RBFOX1: variants seen among roughly 807,000 people sequenced by gnomAD.
RBFOX1 encodes the protein RNA binding fox-1 homolog 1.
Under a neutral mutation model 57.7 loss-of-function variants are expected in RBFOX1, and 8 were observed. The observed-to-expected ratio is 0.14, with a 90% confidence interval of 0.08 to 0.25. The LOEUF is 0.25. Among genes scored for constraint, RBFOX1 ranks in the 10% least tolerant of loss-of-function variants. The pLI is 1.00. For missense variants in RBFOX1, 611 were observed against 548.5 expected, an observed-to-expected ratio of 1.11 and a Z score of -1.14; for synonymous variants, 326 against 222.4, an observed-to-expected ratio of 1.47 and a Z score of -4.15.
rs958515205 is a variant in RBFOX1 at position 6,774,815 on chromosome 16, C to T, written c.-16+120165C>T. ...TACCTGAGCTTTCCAATATAGTAGC[C>T]ATGAGCCGTATGGGCCTACTGAGCA... On this transcript the variant is annotated intron_variant, in intron 3 of 15. Coordinates refer to ENST00000550418, the MANE Select transcript of RBFOX1 (RefSeq NM_018723.4). Among the ~76,000 whole-genome samples, 3 of 151,862 alleles carry T rather than the reference C, an allele frequency of 2.0e-5. No individual in the cohort carries two copies. In the South Asian group the frequency reaches 6.3e-4, roughly 32 times the overall value.
intron 3 of RBFOX1, among the ~76,000 whole-genome samples, chr16:6,931,226 G>A (rs557534418): frequency 9.9e-5 from 15 of 151,302 alleles, no homozygotes; most frequent in African/African-American, 2.9e-4. Context: ...TCTACTGATG[G>A]GAATTAAGGG....
chr16:6,583,620 A>G (rs2097567343), intron 2 of RBFOX1, among the ~76,000 whole-genome samples: 1 of 152,176 alleles, frequency 6.6e-6, no homozygotes, highest in Admixed American at 6.5e-5. Context: ...TGTAACTCTT[A>G]GTTCTTTGCT....
intron 3 of RBFOX1, among the ~76,000 whole-genome samples, chr16:5,801,975 C>G (rs2055073217): frequency 6.6e-6 from 1 of 152,094 alleles, no homozygotes; most frequent in South Asian, 2.1e-4. Flanking sequence ...CTGCTGGGGC[C>G]ATCACTCTGC....
chr16:5,644,920 G>A (rs1216223811), intron 3 of RBFOX1, among the ~76,000 whole-genome samples: 2 of 152,128 alleles, frequency 1.3e-5, no homozygotes, highest in South Asian at 2.1e-4. Flanking sequence ...AGAATGAAAC[G>A]CTCGCACATG....
Position 7,386,822 on chromosome 16 carries a change from G to T in RBFOX1, c.28-131325G>T, listed in dbSNP as rs550262619. On this transcript the variant is annotated intron_variant, in intron 4 of 15. Transcript: ENST00000550418. The stretch of plus-strand genomic sequence containing the variant: ...CGCCACACTGTCTTCCACAATGGTT[G>T]AACTAATTTACACTCCTACCAACAG... Among the ~76,000 whole-genome samples, 185 of 152,238 alleles carry T rather than the reference G, an allele frequency of 1.2e-3. 1 individual carries two copies. The South Asian group carries it at 0.016, about 13-fold the overall frequency.
intron 3 of RBFOX1, among the ~76,000 whole-genome samples, chr16:6,815,506 C>G (rs1008786015): frequency 7.2e-5 from 11 of 152,234 alleles, no homozygotes; most frequent in Middle Eastern, 3.4e-3. Flanking sequence ...GATTATATTT[C>G]TAAATTGTCA....
In RBFOX1 at chr16:5,406,416, G is replaced by A. The variant is rs535877615; in HGVS notation, c.220-60800G>A. ...ATCTTCTTATGCCTTCAGTGTTCTGGTTCTCAGGCCTTTGGACCCAGACTA... is the reference window on the plus strand; with the variant it reads ...ATCTTCTTATGCCTTCAGTGTTCTGATTCTCAGGCCTTTGGACCCAGACTA... On this transcript the variant is annotated intron_variant, in intron 1 of 2. Coordinates refer to the RBFOX1 transcript ENST00000585867. Among the ~76,000 whole-genome samples the A allele has an allele frequency of 1.1e-4, 16 of 152,238 alleles. No individual in the cohort carries two copies. The South Asian group carries it at 2.3e-3, about 22-fold the overall frequency.
At chr16:7,001,034 A>G (rs1283549692) in intron 3 of RBFOX1, among the ~76,000 whole-genome samples, 1 of 152,176 alleles carries the variant, frequency 6.6e-6, no homozygotes, top group Non-Finnish European at 1.5e-5. Context: ...TATTAGATAG[A>G]ATACTTGTAC....
chr16:7,296,376 A>G, intron 4 of RBFOX1, among the ~76,000 whole-genome samples: 1 of 151,930 alleles, frequency 6.6e-6, no homozygotes, highest in Non-Finnish European at 1.5e-5. Context: ...TACCTTGGCA[A>G]GAAATTTAAA....
chr16:7,403,585 T>C (rs1043481463), intron 4 of RBFOX1, among the ~76,000 whole-genome samples: 4 of 140,438 alleles, frequency 2.8e-5, no homozygotes, highest in Admixed American at 1.4e-4. Flanking sequence ...ACTTTTTTTT[T>C]GCCCAGTCTG....
intron 3 of RBFOX1, among the ~76,000 whole-genome samples, chr16:5,605,478 G>A (rs2047539383): frequency 6.6e-6 from 1 of 151,982 alleles, no homozygotes; most frequent in African/African-American, 2.4e-5. Context: ...TAATAGGAGG[G>A]GACAGTGGTG....
At chr16:7,089,824 A>G (rs1174816516) in intron 4 of RBFOX1, among the ~76,000 whole-genome samples, 1 of 152,040 alleles carries the variant, frequency 6.6e-6, no homozygotes, top group Non-Finnish European at 1.5e-5. Flanking sequence ...TATTAACTGC[A>G]TTTATCACAT....
chr16:6,492,462 A>G (rs985185556), intron 2 of RBFOX1, among the ~76,000 whole-genome samples: 12 of 152,152 alleles, frequency 7.9e-5, no homozygotes, highest in African/African-American at 2.7e-4. Flanking sequence ...CCAGCTATTC[A>G]GGAGGCTGAG....
At chr16:7,585,647 G>C (rs977416366) in intron 6 of RBFOX1, among the ~76,000 whole-genome samples, 1 of 152,164 alleles carries the variant, frequency 6.6e-6, no homozygotes, top group South Asian at 2.1e-4. Context: ...TTGTCCCATA[G>C]TCAGAACTAT....
chr16:6,082,596 C>T (rs190240828), intron 1 of RBFOX1, among the ~76,000 whole-genome samples: 3 of 151,974 alleles, frequency 2.0e-5, no homozygotes, highest in African/African-American at 4.8e-5. Flanking sequence ...TCTCTTTATC[C>T]CCTTGACCAG....
In RBFOX1 at chr16:6,248,725, C is replaced by T. The variant is rs1490078073; in HGVS notation, c.-126-68270C>T. Among the ~76,000 whole-genome samples, 12 of 152,208 alleles carry T rather than the reference C, an allele frequency of 7.9e-5. No individual in the cohort carries two copies. In the South Asian group the frequency reaches 2.1e-3, roughly 26 times the overall value. ...GTTAAGTATGGGTTTTATAATTGGG[C>T]TTCCGAGATTCAAATTCAGCTCTGC... On this transcript the variant is annotated intron_variant, in intron 1 of 15. Coordinates refer to ENST00000550418, the MANE Select transcript of RBFOX1 (RefSeq NM_018723.4).
At chr16:6,959,743 C>A (rs1479987403) in intron 3 of RBFOX1, among the ~76,000 whole-genome samples, 2 of 152,090 alleles carry the variant, frequency 1.3e-5, no homozygotes, top group East Asian at 1.9e-4. Context: ...TCGAGACCAG[C>A]CTGGCCAACA....
chr16:5,950,045 C>G (rs1033805593), intron 4 of RBFOX1, among the ~76,000 whole-genome samples: 1 of 152,238 alleles, frequency 6.6e-6, no homozygotes, highest in African/African-American at 2.4e-5. Context: ...CATTTAATTG[C>G]TCTAATCAAT....
At chr16:7,628,165 T>C (rs1043969352) in intron 10 of RBFOX1, among the ~76,000 whole-genome samples, 7 of 152,160 alleles carry the variant, frequency 4.6e-5, no homozygotes, top group Non-Finnish European at 7.3e-5. Context: ...GTTACAGTTA[T>C]ACATTTTTCT....
Sources: allele counts gnomAD v4.1 joint callset (sites outside exome capture counted in the v4.1 genomes callset), GRCh38; gene constraint gnomAD v4.1.1; transcripts MANE v1.5; gene names NCBI Gene and HGNC (gene_info 2026-07-23, HGNC 2026-07-21).